RAP1A: variants seen among roughly 807,000 people sequenced by gnomAD.
RAP1A encodes ras-related protein Rap-1A.
A neutral mutation model predicts 26.4 loss-of-function variants in RAP1A; 6 were observed. The ratio of observed to expected loss-of-function variants is 0.23; its 90% CI spans 0.12 to 0.45. RAP1A has a LOEUF of 0.45. Among genes scored for constraint, RAP1A ranks in the 20% least tolerant of loss-of-function variants. RAP1A has a pLI of 0.99. For synonymous variants in RAP1A, 73 were observed against 79.4 expected, an observed-to-expected ratio of 0.92 and a Z score of 0.43; for missense variants, 121 against 217.2, an observed-to-expected ratio of 0.56 and a Z score of 2.78.
intron 1 of RAP1A, among the ~76,000 whole-genome samples, chr1:111,646,970 A>T (rs1660090565): frequency 6.6e-6 from 1 of 152,068 alleles, no homozygotes; most frequent in Non-Finnish European, 1.5e-5. Context: ...AAGTTTTTTT[A>T]TTGTTAAATT....
At chr1:111,597,533 T>G (rs1368249486) in intron 1 of RAP1A, among the ~76,000 whole-genome samples, 1 of 152,186 alleles carries the variant, frequency 6.6e-6, no homozygotes, top group Admixed American at 6.5e-5. Context: ...AGTGTGACAC[T>G]CCTCTGTTTA....
intron 1 of RAP1A, among the ~76,000 whole-genome samples, chr1:111,672,781 A>C (rs1661014450): frequency 1.3e-5 from 2 of 152,056 alleles, no homozygotes; most frequent in Non-Finnish European, 2.9e-5. Context: ...TCTTTCTACA[A>C]GTTTTTTAGG....
At chr1:111,624,600 G>A (rs879769724) in intron 1 of RAP1A, among the ~76,000 whole-genome samples, 1 of 152,074 alleles carries the variant, frequency 6.6e-6, no homozygotes, top group Non-Finnish European at 1.5e-5. Context: ...CAACAAAGCA[G>A]TTCAACAGAG....
Position 111,631,165 on chromosome 1 carries a change from A to G in RAP1A, c.-28+11231A>G, listed in dbSNP as rs75984462. ...CATTGTAGCGATTTGCAGATTGTTA[A>G]GGAAATAAAATATTGTACTTATCCC... On this transcript the variant is annotated intron_variant, in intron 1 of 7. Transcript: ENST00000369709. 3.6e-3 allele frequency among the ~76,000 whole-genome samples: 542 copies of G among 152,328 alleles called. 18 individuals are homozygous for G. In the East Asian group the frequency reaches 0.081, roughly 23 times the overall value.
intron 1 of RAP1A, among the ~76,000 whole-genome samples, chr1:111,553,146 T>C (rs1042906676): frequency 6.6e-6 from 1 of 152,252 alleles, no homozygotes; most frequent in African/African-American, 2.4e-5. Flanking sequence ...GAGGCACAGA[T>C]GGCCTTATTT....
chr1:111,684,571 AC>A (rs1216723627), intron 1 of RAP1A, among the ~76,000 whole-genome samples: 3 of 152,248 alleles, frequency 2.0e-5, no homozygotes, highest in Admixed American at 1.3e-4. Flanking sequence ...AATGCAACAT[AC>A]AAGGGATGTG....
rs143026533 is a variant in RAP1A at position 111,656,873 on chromosome 1, T to C, written c.-27-34461T>C. ...TACACATAACATACCATTGTAATTA[T>C]TTTTAAGTATACAATTCAGTAAAAT... On this transcript the variant is annotated intron_variant, in intron 1 of 7. Transcript: ENST00000369709. Among the ~76,000 whole-genome samples, 1,419 of 152,264 alleles carry C rather than the reference T, an allele frequency of 9.3e-3. 21 individuals are homozygous for C. Among genetic ancestry groups the C allele is most frequent in the African/African-American group, 0.033 (1,355 of 41,546 alleles).
At chr1:111,705,304 C>T (rs1332245382) in intron 6 of RAP1A, among the ~76,000 whole-genome samples, 1 of 152,196 alleles carries the variant, frequency 6.6e-6, no homozygotes, top group African/African-American at 2.4e-5. Context: ...GGTAATCAGT[C>T]AGAATTCAGA....
At chr1:111,551,318 T>A (rs1657249321) in intron 1 of RAP1A, among the ~76,000 whole-genome samples, 1 of 152,194 alleles carries the variant, frequency 6.6e-6, no homozygotes. Context: ...TGCACCTCAG[T>A]TCCTCCGTTA....
chr1:111,582,909 G>A (rs1658286362), intron 1 of RAP1A, among the ~76,000 whole-genome samples: 1 of 152,194 alleles, frequency 6.6e-6, no homozygotes, highest in Non-Finnish European at 1.5e-5. Context: ...TGGTCTCCCG[G>A]CCTGAACCTG....
Position 111,689,428 on chromosome 1 carries a change from CT to C in RAP1A, c.-27-1905del, listed in dbSNP as rs1419905368. 2.0e-5 allele frequency among the ~76,000 whole-genome samples: 3 copies of C among 152,190 alleles called. No homozygotes were observed. The East Asian group carries it at 5.8e-4, about 29-fold the overall frequency. On this transcript the variant is annotated intron_variant, in intron 1 of 7. Coordinates refer to ENST00000369709, the MANE Select transcript of RAP1A (RefSeq NM_002884.4). ...TTCTGTTGCTGTGTCTTCAGATCCC[CT>C]GAACTTTCCTTCTGCAGTATTTAAT...
At chr1:111,697,692 C>G (rs979260273) in intron 4 of RAP1A, among the ~76,000 whole-genome samples, 195 bp downstream of exon 4, 1 of 152,010 alleles carries the variant, frequency 6.6e-6, no homozygotes, top group Non-Finnish European at 1.5e-5. Flanking sequence ...CAAAGTTCAC[C>G]TGTAATAATC....
intron 1 of RAP1A, among the ~76,000 whole-genome samples, chr1:111,596,315 C>T (rs2101069129): frequency 6.6e-6 from 1 of 152,122 alleles, no homozygotes; most frequent in East Asian, 1.9e-4. Context: ...CCTACAGAGG[C>T]TCTGACAACA....
chr1:111,669,000 G>A (rs1660886332), intron 1 of RAP1A, among the ~76,000 whole-genome samples: 1 of 146,832 alleles, frequency 6.8e-6, no homozygotes, highest in South Asian at 2.1e-4. Context: ...TTCCAGCCTG[G>A]GCAACAGAAT....
chr1:111,673,900 G>A (rs956188148), intron 1 of RAP1A, among the ~76,000 whole-genome samples: 6 of 152,176 alleles, frequency 3.9e-5, no homozygotes, highest in Non-Finnish European at 7.3e-5. Flanking sequence ...GACCCATGGT[G>A]TTTGTTAGGT....
intron 1 of RAP1A, among the ~76,000 whole-genome samples, chr1:111,632,079 C>T (rs917269920): frequency 6.6e-6 from 1 of 152,128 alleles, no homozygotes; most frequent in Non-Finnish European, 1.5e-5. Context: ...TGCCTAATAT[C>T]TATCACAGTC....
At chr1:111,666,169 A>G (rs528004047) in intron 1 of RAP1A, among the ~76,000 whole-genome samples, 1 of 152,302 alleles carries the variant, frequency 6.6e-6, no homozygotes, top group Admixed American at 6.5e-5. Flanking sequence ...AAAACAGTAC[A>G]AGTGTTATTT....
At chr1:111,549,460 C>G (rs996099652) in intron 1 of RAP1A, among the ~76,000 whole-genome samples, 5 of 151,338 alleles carry the variant, frequency 3.3e-5, no homozygotes, top group African/African-American at 9.7e-5. Context: ...ACCAGCCTGA[C>G]CAATATGGTG....
intron 1 of RAP1A, among the ~76,000 whole-genome samples, chr1:111,675,048 C>T (rs1661083128): frequency 1.3e-5 from 2 of 151,624 alleles, no homozygotes; most frequent in Non-Finnish European, 2.9e-5. Context: ...ATGTAGTATC[C>T]CTGGATCTTT....
Sources: allele counts gnomAD v4.1 joint callset (sites outside exome capture counted in the v4.1 genomes callset), GRCh38; gene constraint gnomAD v4.1.1; transcripts MANE v1.5; gene names NCBI Gene and HGNC (gene_info 2026-07-23, HGNC 2026-07-21).